The following ZEB2 variants were observed in gnomAD, a reference collection of about 807,000 sequenced individuals.
The protein encoded by ZEB2 is zinc finger E-box-binding homeobox 2.
A neutral mutation model predicts 99.9 loss-of-function variants in ZEB2; 6 were observed. That is an observed-to-expected ratio of 0.06 (90% CI 0.03 to 0.12). ZEB2 has a LOEUF of 0.12. ZEB2 is among the 10% of genes least tolerant of loss of function. The probability of loss-of-function intolerance (pLI) is 1.00; values close to 1 mark genes in which losing one functional copy is unlikely to be tolerated. For missense variants in ZEB2, 969 were observed against 1,502.8 expected (o/e 0.64, Z 5.87); for synonymous variants, 517 against 542.5 (o/e 0.95, Z 0.65).
intron 2 of ZEB2, among the ~76,000 whole-genome samples, chr2:144,471,530 T>G (rs1315509345): frequency 2.6e-5 from 4 of 152,012 alleles, no homozygotes; most frequent in Non-Finnish European, 5.9e-5. Flanking sequence ...CTTTCTTTTT[T>G]TTTTTTGGCT....
rs953610353 is a variant in ZEB2 at position 144,482,223 on chromosome 2, G to T, written c.73+35055C>A. The T allele has an allele frequency of 5.3e-5, 8 of 152,196 alleles. 1 individual carries two copies. Among genetic ancestry groups the T allele is most frequent in the Admixed American group, 6.5e-5 (1 of 15,288 alleles). 9.4% of individuals were successfully genotyped at this position (152,196 alleles called of 1,614,324 possible). ...TCTTAAGGTTTCTTTTTATTTGCAG[G>T]TTCCCTGAAGAATAGCTTCTCCGTC... On this transcript the variant is annotated intron_variant, in intron 2 of 9. Transcript: ENST00000627532.
chr2:144,498,783 G>T lies in ZEB2; in HGVS notation c.73+18495C>A, dbSNP rs542844387. ...GTCATGAGGGAAGGCCCGAAACTAG[G>T]CCTGAAATCAGAGGATAGAAAGATA... On this transcript the variant is annotated intron_variant, in intron 2 of 9. Transcript: ENST00000627532. 1.7e-4 allele frequency among the ~76,000 whole-genome samples: 26 copies of T among 152,262 alleles called. No homozygotes were observed. In the South Asian group the frequency reaches 5.4e-3, roughly 32 times the overall value.
At position 144,398,659 on chromosome 2, in the gene ZEB2, C is replaced by A. The variant is rs778296261; in HGVS notation, c.2528G>T (p.Ser843Ile). Residue 843 changes from serine to isoleucine, a missense_variant, in exon 8 of 10, where the codon AGT becomes ATT. Around this residue, in one of 8 missense-constraint regions of ZEB2, gnomAD observed 346 missense variants for 460.0 expected, o/e 0.75. Transcript: ENST00000627532. ...TKNKTKASSI[S>I]LDHNSVSSSS... is the part of the protein sequence containing the mutation. ...GGAAGAAACACTGTTATGATCTAAA[C>A]TGATGCTACTAGCTTTTGTTTTGTT... The A allele has an allele frequency of 6.2e-7, 1 of 1,613,992 alleles. No individual in the cohort carries two copies. The highest frequency in any genetic ancestry group is 1.1e-5 in the South Asian group (1 of 91,084).
chr2:144,480,194 A>G (rs996681597), intron 2 of ZEB2, among the ~76,000 whole-genome samples: 1 of 152,170 alleles, frequency 6.6e-6, no homozygotes, highest in Admixed American at 6.5e-5. Flanking sequence ...GCTCCCCATA[A>G]AAACTTTTTA....
At chr2:144,518,033 C>A in intron 1 of ZEB2, 1 of 229,876 alleles carries the variant, frequency 4.4e-6, no homozygotes, top group Admixed American at 5.5e-5. Context: ...TCCCGTTTTA[C>A]GCCGCAATGA....
At chr2:144,468,429 T>C (rs1487653126) in intron 2 of ZEB2, among the ~76,000 whole-genome samples, 1 of 152,194 alleles carries the variant, frequency 6.6e-6, no homozygotes, top group African/African-American at 2.4e-5. Flanking sequence ...TGTTCCTCTT[T>C]CCAGTTTTTC....
chr2:144,489,629 G>A (rs1306545607), intron 2 of ZEB2, among the ~76,000 whole-genome samples: 2 of 152,180 alleles, frequency 1.3e-5, no homozygotes, highest in Non-Finnish European at 2.9e-5. Context: ...TGCGGATGTT[G>A]GAACGGTGTA....
rs757951549 is a variant in ZEB2 at position 144,398,285 on chromosome 2, A to G, written c.2886+16T>C. On this transcript the variant is annotated intron_variant, in intron 8 of 9. Coordinates refer to ENST00000627532, the MANE Select transcript of ZEB2 (RefSeq NM_014795.4). Reference sequence around the variant, plus strand: ...CACCTCTTTTCTTCATAGCAGAAAAACATTTGTCTCTTTACCTGAAATCCT... The same window carrying G: ...CACCTCTTTTCTTCATAGCAGAAAAGCATTTGTCTCTTTACCTGAAATCCT... 1.2e-6 allele frequency: 2 copies of G among 1,612,772 alleles called. No individual in the cohort carries two copies. The highest frequency in any genetic ancestry group is 4.5e-5 in the East Asian group (2 of 44,860).
chr2:144,424,228 A>C, intron 4 of ZEB2: 4 of 369,232 alleles, frequency 1.1e-5, no homozygotes, highest in Non-Finnish European at 2.1e-5. Context: ...ATTAAAAATA[A>C]GTAAACTTGT....
intron 2 of ZEB2, among the ~76,000 whole-genome samples, chr2:144,474,805 G>A (rs962296219): frequency 1.3e-5 from 2 of 151,836 alleles, no homozygotes; most frequent in African/African-American, 4.8e-5. Context: ...TGAGTATTTC[G>A]GTTCTCATTT....
At chr2:144,454,338 A>G (rs1408214135) in intron 2 of ZEB2, among the ~76,000 whole-genome samples, 1 of 152,212 alleles carries the variant, frequency 6.6e-6, no homozygotes, top group Non-Finnish European at 1.5e-5. Context: ...GGATTTCCAG[A>G]GCAATTACAA....
intron 2 of ZEB2, chr2:144,496,368 T>C (rs1704758212): frequency 6.6e-6 from 1 of 152,234 alleles, no homozygotes; most frequent in Non-Finnish European, 1.5e-5. Context: ...CTCAAAGATG[T>C]AGCACATTCT....
chr2:144,479,467 T>C (rs1421609603), intron 2 of ZEB2, among the ~76,000 whole-genome samples: 2 of 152,102 alleles, frequency 1.3e-5, no homozygotes, highest in African/African-American at 2.4e-5. Context: ...AGGCTAGCAA[T>C]AGGCTTGACC....
intron 3 of ZEB2, 63 bp from the exon 4 acceptor site, chr2:144,424,930 C>A (rs1420540788): frequency 3.2e-5 from 49 of 1,525,298 alleles, no homozygotes; most frequent in Non-Finnish European, 4.5e-5. Flanking sequence ...ACTAAGCATG[C>A]CAAGCACAGG....
chr2:144,440,496 T>G (rs1264415050), intron 2 of ZEB2, among the ~76,000 whole-genome samples: 2 of 13,872 alleles, frequency 1.4e-4, no homozygotes, highest in Admixed American at 1.1e-3. Context: ...TATATATATA[T>G]ATATATATAT....
rs953479289 is a variant in ZEB2, at chr2:144,488,577, T to A, written c.73+28701A>T. The stretch of plus-strand genomic sequence containing the variant: ...CCATGACTTTTTTTTTTGGATGTAT[T>A]GTCATTCTTTGGAATTAAGCAGGAA... On this transcript the variant is annotated intron_variant, in intron 2 of 9. Coordinates refer to ENST00000627532, the MANE Select transcript of ZEB2 (RefSeq NM_014795.4). Among the ~76,000 whole-genome samples, 5 of 152,202 alleles carry A rather than the reference T, an allele frequency of 3.3e-5. No individual in the cohort carries two copies. In the East Asian group the frequency reaches 9.7e-4, roughly 29 times the overall value.
intron 2 of ZEB2, among the ~76,000 whole-genome samples, chr2:144,434,514 G>A (rs1377251293): frequency 6.6e-6 from 1 of 152,158 alleles, no homozygotes; most frequent in Non-Finnish European, 1.5e-5. Flanking sequence ...CAGAAAGCAT[G>A]TCTTTAGGTG....
chr2:144,498,987 C>T (rs1383093630), intron 2 of ZEB2, among the ~76,000 whole-genome samples: 3 of 152,144 alleles, frequency 2.0e-5, no homozygotes, highest in Non-Finnish European at 4.4e-5. Context: ...CCGAAAATGT[C>T]CGTATTACCA....
In ZEB2 at chr2:144,389,625, G is replaced by A. The variant is rs149526010; in HGVS notation, c.3471C>T (p.Asp1157=). 3.6e-4 allele frequency: 585 copies of A among 1,613,566 alleles called. 4 individuals are homozygous for A. The African/African-American group carries it at 6.4e-3, about 18-fold the overall frequency. ...CTTCCTCTTCCTCCTCGAACTCCTC[G>A]TCGCCATCCTGTCTGCCCAGCTTCC... ...GYGKLGRQDG[D]EEFEEEEEES... Residue 1157 remains aspartate, a synonymous_variant, in exon 10 of 10, where the codon GAC becomes GAT. Transcript: ENST00000627532. This position sits in a 1 kb window ranked among gnomAD's most constrained non-coding sequence, Gnocchi z 6.8.
Sources: gnomAD v4.1 joint callset for allele counts (sites outside exome capture counted in the v4.1 genomes callset) on GRCh38, gnomAD v4.1.1 for gene constraint, gnomAD v4.1.1 regional missense constraint, Gnocchi (gnomAD v3.1) non-coding constraint, MANE v1.5 for transcripts, NCBI Gene and HGNC (gene_info 2026-07-23, HGNC 2026-07-21) for gene names.